Variants in ZNF490 observed in about 807,000 individuals in gnomAD.
ZNF490 encodes zinc finger protein 490.
In ZNF490, 11 loss-of-function variants were observed where a neutral mutation model predicts 17.7. That is an observed-to-expected ratio of 0.62 (90% CI 0.39 to 1.03). The LOEUF (loss-of-function observed/expected upper bound fraction) is 1.03. Among genes scored for constraint, ZNF490 ranks in the 50% least tolerant of loss-of-function variants. ZNF490 has a pLI of 0.00. For missense variants in ZNF490, 542 were observed against 643.4 expected, an observed-to-expected ratio of 0.84 and a Z score of 1.71; for synonymous variants, 222 against 216.1, an observed-to-expected ratio of 1.03 and a Z score of -0.24.
intron 2 of ZNF490, among the ~76,000 whole-genome samples, chr19:12,605,290 T>C (rs182717502): frequency 3.2e-4 from 49 of 152,310 alleles, no homozygotes; most frequent in Admixed American, 9.8e-4. Flanking sequence ...GAGACTAGCC[T>C]GGACAACAGA....
chr19:12,583,791 C>CTA (rs1267957541), intron 2 of ZNF490, among the ~76,000 whole-genome samples: 108 of 68,128 alleles, frequency 1.6e-3, no homozygotes, highest in Middle Eastern at 0.01. Context: ...CTCTCTCTCT[C>CTA]TATATATATA....
rs117241606 is a variant in ZNF490, at chr19:12,580,293, G to A, written c.*192C>T. On this transcript the variant is annotated 3_prime_UTR_variant, in exon 5 of 5. Coordinates refer to ENST00000311437, the MANE Select transcript of ZNF490 (RefSeq NM_020714.3). The stretch of plus-strand genomic sequence containing the variant: ...AGTCCATTCACATATCTGCAATCCC[G>A]CAGGAGAGTGCAAGTTCCTCCCCCA... The A allele has an allele frequency of 1.8e-3, 2,430 of 1,377,712 alleles. 46 individuals carry two copies. The East Asian group carries it at 0.037, about 21-fold the overall frequency. The allele number at this position is 1,377,712 out of a possible 1,614,324, so 85.3% of individuals were successfully genotyped here.
intron 2 of ZNF490, among the ~76,000 whole-genome samples, chr19:12,585,766 T>A (rs1346173362): frequency 1.1e-5 from 1 of 93,078 alleles, no homozygotes; most frequent in East Asian, 2.1e-4. Flanking sequence ...CTTGGCTCAC[T>A]ACAACCCCTG....
chr19:12,576,377 G>A lies in ZNF490; in HGVS notation c.*4108C>T, dbSNP rs920270995. Among the ~76,000 whole-genome samples, 11 of 151,752 alleles carry A rather than the reference G, an allele frequency of 7.2e-5. No homozygotes were observed. Among genetic ancestry groups the A allele is most frequent in the Admixed American group, 2.0e-4 (3 of 15,220 alleles). On this transcript the variant is annotated 3_prime_UTR_variant, in exon 5 of 5. Transcript: ENST00000311437. ...AAAAACTAGCTCGGTATGGTGGCAC[G>A]CGCCTGTAATCCCAGCTACTCAGGA... is the stretch of plus-strand genomic sequence containing the variant.
chr19:12,584,314 G>T lies in ZNF490; in HGVS notation c.163-758C>A, dbSNP rs531096222. Reference sequence around the variant, plus strand: ...TGGGACTACAGGCGCGTGCCACCACGCCCAGCTAATTTTTTGTATTTTTAG... The same window carrying T: ...TGGGACTACAGGCGCGTGCCACCACTCCCAGCTAATTTTTTGTATTTTTAG... On this transcript the variant is annotated intron_variant, in intron 2 of 4. Coordinates refer to ENST00000311437, the MANE Select transcript of ZNF490 (RefSeq NM_020714.3). Among the ~76,000 whole-genome samples the T allele has an allele frequency of 3.5e-5, 3 of 86,920 alleles. 1 individual carries two copies. Among genetic ancestry groups the T allele is most frequent in the Admixed American group, 3.3e-4 (3 of 9,150 alleles). The allele number at this position is 86,920 out of a possible 152,430, so 57.0% of individuals were successfully genotyped here. A position where few individuals can be genotyped will look rare whatever the true frequency, so the allele number is the denominator to read the frequency against.
chr19:12,579,369 G>A lies in ZNF490; in HGVS notation c.*1116C>T. 1 of 152,032 alleles carries A rather than the reference G, an allele frequency of 6.6e-6. No individual in the cohort carries two copies. Among genetic ancestry groups the A allele is most frequent in the Non-Finnish European group, 1.5e-5 (1 of 67,992 alleles). 9.4% of individuals were successfully genotyped at this position (152,032 alleles called of 1,614,324 possible). A position where few individuals can be genotyped will look rare whatever the true frequency, so the allele number is the denominator to read the frequency against. On this transcript the variant is annotated 3_prime_UTR_variant, in exon 5 of 5. Coordinates refer to ENST00000311437, the MANE Select transcript of ZNF490 (RefSeq NM_020714.3). ...AGTTCAAGACCAGCCTGGCCAACAT[G>A]GTGAAACCCCGTCTCTACTAAAAAT...
chr19:12,580,389 C>T lies in ZNF490; in HGVS notation c.*96G>A. 6.7e-7 allele frequency: 1 copy of T among 1,498,108 alleles called. No individual in the cohort carries two copies. The highest frequency in any genetic ancestry group is 8.9e-7 in the Non-Finnish European group (1 of 1,128,002). 92.8% of individuals were successfully genotyped at this position (1,498,108 alleles called of 1,614,324 possible). On this transcript the variant is annotated 3_prime_UTR_variant, in exon 5 of 5. Coordinates refer to ENST00000311437, the MANE Select transcript of ZNF490 (RefSeq NM_020714.3). ...ATTAGGACAACTGAAGGCTTAATCA[C>T]ACCGTTTACATTCCTTGAATTTCTC...
rs746642552 is a variant in ZNF490, at chr19:12,582,292, A to G, written c.350+558T>C. Among the ~76,000 whole-genome samples, 9 of 150,594 alleles carry G rather than the reference A, an allele frequency of 6.0e-5. 1 individual carries two copies. Among genetic ancestry groups the G allele is most frequent in the Admixed American group, 2.6e-4 (4 of 15,096 alleles). On this transcript the variant is annotated intron_variant, in intron 4 of 4. Coordinates refer to ENST00000311437, the MANE Select transcript of ZNF490 (RefSeq NM_020714.3). ...TTTCCTGTAGAGACAGGTTTTCACT[A>G]TGTTGACCAGGCTGGTGTTGAACTC... is the stretch of plus-strand genomic sequence containing the variant.
At position 12,577,031 on chromosome 19, in the gene ZNF490, C is replaced by T. The variant is rs2022650859; in HGVS notation, c.*3454G>A. ...AGGACCCCAGGTGTTCTGATCTCTT[C>T]TCCAGGTTTCTCTGGCTCCTCGGGA... On this transcript the variant is annotated 3_prime_UTR_variant, in exon 5 of 5. Coordinates refer to ENST00000311437, the MANE Select transcript of ZNF490 (RefSeq NM_020714.3). Among the ~76,000 whole-genome samples the T allele has an allele frequency of 6.6e-6, 1 of 152,070 alleles. No homozygotes were observed. The highest frequency in any genetic ancestry group is 1.5e-5 in the Non-Finnish European group (1 of 68,024).
At chr19:12,600,513 T>C (rs1286695951) in intron 2 of ZNF490, among the ~76,000 whole-genome samples, 4 of 152,142 alleles carry the variant, frequency 2.6e-5, no homozygotes, top group African/African-American at 7.2e-5. Flanking sequence ...TATATCTGTA[T>C]ATATATGTTA....
intron 2 of ZNF490, among the ~76,000 whole-genome samples, chr19:12,599,918 T>C (rs1169082712): frequency 1.3e-5 from 2 of 152,166 alleles, no homozygotes; most frequent in East Asian, 3.8e-4. Flanking sequence ...AAATTGAATA[T>C]TAAAATAAAA....
chr19:12,607,758 A>G (rs1030456239), intron 2 of ZNF490, among the ~76,000 whole-genome samples: 8 of 151,864 alleles, frequency 5.3e-5, no homozygotes, highest in African/African-American at 1.9e-4. Context: ...AAAGGAACAA[A>G]CAAGAACAGC....
At chr19:12,583,936 G>C (rs1194696500) in intron 2 of ZNF490, among the ~76,000 whole-genome samples, 1 of 148,656 alleles carries the variant, frequency 6.7e-6, no homozygotes. Flanking sequence ...TCAGCCTCCC[G>C]AGTAGCTGGG....
At chr19:12,597,250 A>G (rs2022945980) in intron 2 of ZNF490, 6 of 452,750 alleles carry the variant, frequency 1.3e-5, no homozygotes, top group South Asian at 7.7e-5. Context: ...AGACAGTCCG[A>G]GGCTGGGACG....
At position 12,581,021 on chromosome 19, in the gene ZNF490, G is replaced by T. The variant is rs755672983; in HGVS notation, c.1054C>A (p.His352Asn). 2 of 1,614,088 alleles carry T rather than the reference G, an allele frequency of 1.2e-6. No individual in the cohort carries two copies. The highest frequency in any genetic ancestry group is 1.7e-6 in the Non-Finnish European group (2 of 1,180,000). Reference protein sequence around the residue: ...AFFSHSSLRKHVKTHTGVQPY... With the variant: ...AFFSHSSLRKNVKTHTGVQPY... ...TGAACTCCGGTGTGGGTTTTCACGTGTTTTCGAAGGCTTGAGTGAGAAAAG... is the reference window on the plus strand; with the variant it reads ...TGAACTCCGGTGTGGGTTTTCACGTTTTTTCGAAGGCTTGAGTGAGAAAAG... The change falls in exon 5 of 5, where the codon CAC (histidine) becomes AAC (asparagine). Residue 352 changes from histidine (H) to asparagine (N), a missense_variant. Coordinates refer to ENST00000311437, the MANE Select transcript of ZNF490 (RefSeq NM_020714.3).
In ZNF490 at chr19:12,583,454, T is replaced by C. The variant is rs751149074; in HGVS notation, c.265A>G (p.Thr89Ala). ...CCTATACAGGCCAGGTTCTTGAAGGTTGCCCGCATCACATCTCTGTAGATA... is the reference window on the plus strand; with the variant it reads ...CCTATACAGGCCAGGTTCTTGAAGGCTGCCCGCATCACATCTCTGTAGATA... ...RNIYRDVMRA[T>A]FKNLACIGEK... The change falls in exon 3 of 5, where the codon ACC becomes GCC. Residue 89 changes from threonine (T) to alanine (A), a missense_variant. Physicochemically the swap from Thr to Ala is moderately conservative, Grantham distance 58. Coordinates refer to ENST00000311437, the MANE Select transcript of ZNF490 (RefSeq NM_020714.3). 1.2e-5 allele frequency: 20 copies of C among 1,605,260 alleles called. No homozygotes were observed. The highest frequency in any genetic ancestry group is 1.5e-5 in the Non-Finnish European group (18 of 1,174,406).
At chr19:12,590,120 T>G (rs1420753573) in intron 2 of ZNF490, among the ~76,000 whole-genome samples, 1 of 152,048 alleles carries the variant, frequency 6.6e-6, no homozygotes, top group African/African-American at 2.4e-5. Context: ...TTTCACCATA[T>G]TGACCAGGCT....
chr19:12,580,845 T>C lies in ZNF490; in HGVS notation c.1230A>G (p.Arg410=). 1 of 1,614,080 alleles carries C rather than the reference T, an allele frequency of 6.2e-7. No homozygotes were observed. The change falls in exon 5 of 5, where the codon AGA becomes AGG. Residue 410 remains arginine (R), a synonymous_variant. Coordinates refer to ENST00000311437, the MANE Select transcript of ZNF490 (RefSeq NM_020714.3). ...NSSSYLQLHE[R]VHTGEKTYEC... ...CGTAAGTTTTCTCGCCAGTGTGAAC[T>C]CTTTCGTGCAACTGAAGGTAACTTG... is the stretch of plus-strand genomic sequence containing the variant.
At chr19:12,586,599 T>TAA (rs2022808816) in intron 2 of ZNF490, among the ~76,000 whole-genome samples, 1 of 94,398 alleles carries the variant, frequency 1.1e-5, no homozygotes, top group African/African-American at 3.2e-5. Flanking sequence ...TTAAAAGACT[T>TAA]AGACGGTTTG....
Sources: gnomAD v4.1 joint callset for allele counts (sites outside exome capture counted in the v4.1 genomes callset) on GRCh38, gnomAD v4.1.1 for gene constraint, MANE v1.5 for transcripts, NCBI Gene and HGNC (gene_info 2026-07-23, HGNC 2026-07-21) for gene names.